Variants in XIST observed in about 807,000 individuals in gnomAD.
XIST encodes X inactive specific transcript (non-protein coding).
chrX:73,843,046 C>T (rs760098568), exon 1 of XIST: 13 of 556,433 alleles, frequency 2.3e-5, no homozygotes, highest in Admixed American at 8.9e-5. Context: ...ATGGAATACT[C>T]CAATGCTTAT....
chrX:73,822,052 G>C, exon 6 of XIST: 1 of 558,204 alleles, frequency 1.8e-6, no homozygotes, highest in Middle Eastern at 3.1e-4. Context: ...AAAAAGTAAA[G>C]AACTGAAAAT....
exon 1 of XIST, chrX:73,850,729 GGGGGGT>G (rs1922908459): frequency 8.1e-6 from 2 of 247,612 alleles, no homozygotes; most frequent in Non-Finnish European, 1.5e-5. Context: ...GGTGGGGGGT[GGGGGGT>G]GGGGGTGGGG....
At chrX:73,825,659 T>A in exon 6 of XIST, 1 of 512,732 alleles carries the variant, frequency 2.0e-6, no homozygotes, top group East Asian at 3.6e-5. Flanking sequence ...AAAAAACAAA[T>A]ATGTAACAGA....
rs1293290855 is a variant in XIST, at chrX:73,847,062, A to T, written n.5662T>A. On this transcript the variant is annotated non_coding_transcript_exon_variant, in exon 1 of 6. Transcript: ENST00000429829. The stretch of plus-strand genomic sequence containing the variant: ...TGAAAATGTGTATATAACACCTAAG[A>T]TTATGCACGCTAACTTTACTAGTCT... The T allele has an allele frequency of 5.4e-6, 3 of 557,920 alleles. No individual in the cohort carries two copies. The African/African-American group carries it at 6.7e-5, about 12-fold the overall frequency. The allele number at this position is 557,920 out of a possible 1,213,427, so 46.0% of individuals were successfully genotyped here. A position where few individuals can be genotyped will look rare whatever the true frequency, so the allele number is the denominator to read the frequency against.
In XIST at chrX:73,822,543, C is replaced by G. The variant is rs1044104731; in HGVS notation, n.17358G>C. On this transcript the variant is annotated non_coding_transcript_exon_variant, in exon 6 of 6. Coordinates refer to ENST00000429829, the Ensembl canonical transcript of XIST. The stretch of plus-strand genomic sequence containing the variant: ...TGAAAAAAAATAAACAGTAACCTTT[C>G]TCCTATATTCTACTTTCCAAGCCAA... 14 of 509,412 alleles carry G rather than the reference C, an allele frequency of 2.7e-5. No homozygotes were observed. The African/African-American group carries it at 3.0e-4, about 11-fold the overall frequency. The allele number at this position is 509,412 out of a possible 1,213,427, so 42.0% of individuals were successfully genotyped here.
chrX:73,838,156 C>A (rs2147702109), intron 1 of XIST, among the ~76,000 whole-genome samples: 1 of 111,040 alleles, frequency 9.0e-6, no homozygotes, highest in African/African-American at 3.3e-5. Flanking sequence ...TATCCCATCA[C>A]TGTTCAATGC....
At chrX:73,846,231 GTCTGAGAGTAGGA>G (rs1922764967) in exon 1 of XIST, 1 of 557,782 alleles carries the variant, frequency 1.8e-6, no homozygotes, top group African/African-American at 2.2e-5. Flanking sequence ...TGCAAAAGGG[GTCTGAGAGTAGGA>G]TTTTATTCAG....
At position 73,847,820 on chromosome X, in the gene XIST, G is replaced by C. The variant is rs201357240; in HGVS notation, n.4904C>G. On this transcript the variant is annotated non_coding_transcript_exon_variant, in exon 1 of 6. Transcript: ENST00000429829. ...ATAATGTAAAAGGGGTAGAATATAG[G>C]TTTAAAGGGAGAGACCATGAACATT... 2.2e-3 allele frequency: 1,223 copies of C among 557,211 alleles called. 11 individuals carry two copies. The highest frequency in any genetic ancestry group is 0.02 in the Middle Eastern group (64 of 3,244). 45.9% of individuals were successfully genotyped at this position (557,211 alleles called of 1,213,427 possible). A position where few individuals can be genotyped will look rare whatever the true frequency, so the allele number is the denominator to read the frequency against.
At chrX:73,847,817 T>C (rs183544145) in exon 1 of XIST, 287 of 556,946 alleles carry the variant, frequency 5.2e-4, no homozygotes, top group East Asian at 9.4e-4. Context: ...GGGTAGAATA[T>C]AGGTTTAAAG....
chrX:73,827,846 C>T (rs958166005), exon 6 of XIST: 2 of 528,657 alleles, frequency 3.8e-6, no homozygotes, highest in African/African-American at 2.3e-5. Context: ...ACACAGACCA[C>T]TCTTGTGAAC....
chrX:73,848,577 G>A lies in XIST; in HGVS notation n.4147C>T, dbSNP rs775279774. On this transcript the variant is annotated non_coding_transcript_exon_variant, in exon 1 of 6. Transcript: ENST00000429829. ...CATTGTAGCGTGCAAATAGGATACA[G>A]AGTCCCTTTCTAATGGACAGGACTC... 7 of 557,894 alleles carry A rather than the reference G, an allele frequency of 1.3e-5. No homozygotes were observed. In the East Asian group the frequency reaches 1.9e-4, roughly 16 times the overall value. 46.0% of individuals were successfully genotyped at this position (557,894 alleles called of 1,213,427 possible). A position where few individuals can be genotyped will look rare whatever the true frequency, so the allele number is the denominator to read the frequency against.
exon 1 of XIST, chrX:73,842,125 T>C: frequency 3.8e-6 from 2 of 526,954 alleles, no homozygotes; most frequent in Non-Finnish European, 6.8e-6. Flanking sequence ...AAAAAAATAA[T>C]GACCAGGTTA....
exon 1 of XIST, chrX:73,850,490 T>C: frequency 1.8e-6 from 1 of 545,314 alleles, no homozygotes; most frequent in Non-Finnish European, 3.3e-6. Context: ...TAAATATAAA[T>C]CAAAATCCGA....
exon 1 of XIST, chrX:73,842,287 G>A (rs1490195615): frequency 5.4e-6 from 3 of 551,955 alleles, no homozygotes; most frequent in Non-Finnish European, 9.8e-6. Flanking sequence ...AATCTGCTCT[G>A]GAAAGAAGAA....
chrX:73,822,172 C>T (rs1159040275), exon 6 of XIST: 1 of 558,647 alleles, frequency 1.8e-6, no homozygotes, highest in Middle Eastern at 3.1e-4. Context: ...GTCATCATCC[C>T]TCCTGCTGCC....
chrX:73,829,026 T>C (rs750779928), intron 5 of XIST: 65 of 536,671 alleles, frequency 1.2e-4, no homozygotes, highest in Non-Finnish European at 2.0e-4. Context: ...GTTATAACAG[T>C]TCTGAAGTGA....
At chrX:73,849,416 A>G (rs757083948) in exon 1 of XIST, 21 of 557,337 alleles carry the variant, frequency 3.8e-5, no homozygotes, top group African/African-American at 3.3e-4. Context: ...ACTCAATGCA[A>G]AGAGTTTTAG....
At chrX:73,847,574 C>T (rs1457085274) in exon 1 of XIST, 1 of 514,036 alleles carries the variant, frequency 1.9e-6, no homozygotes, top group Admixed American at 2.6e-5. Flanking sequence ...AATCAGTACC[C>T]CCTTCTATGA....
chrX:73,852,034 T>C (rs1249681891), exon 1 of XIST: 1 of 546,384 alleles, frequency 1.8e-6, no homozygotes, highest in South Asian at 2.3e-5. Flanking sequence ...AAAGCAGGTA[T>C]CCGCGGCCCC....
Sources: gnomAD v4.1 joint callset for allele counts (sites outside exome capture counted in the v4.1 genomes callset) on GRCh38, gnomAD v4.1.1 for gene constraint, MANE v1.5 for transcripts, NCBI Gene and HGNC (gene_info 2026-07-23, HGNC 2026-07-21) for gene names.